The following SGPP2 variants were observed in gnomAD, a reference collection of about 807,000 sequenced individuals.
SGPP2 encodes the protein sphingosine-1-phosphate phosphatase 2, also known as sphingosine 1-phosphate phosphohydrolase 2.
SGPP2 carries 30 observed loss-of-function variants against 33.9 expected under a neutral mutation model. That is an observed-to-expected ratio of 0.89 (90% CI 0.66 to 1.20). The LOEUF (loss-of-function observed/expected upper bound fraction) is 1.20. Among genes scored for constraint, SGPP2 ranks in the 50% most tolerant of loss-of-function variants. The probability of loss-of-function intolerance (pLI) is 0.00; values close to 1 mark genes in which losing one functional copy is unlikely to be tolerated. For synonymous variants in SGPP2, 233 were observed against 225.0 expected, an observed-to-expected ratio of 1.04 and a Z score of -0.32; for missense variants, 458 against 532.1, an observed-to-expected ratio of 0.86 and a Z score of 1.37.
intron 1 of SGPP2, among the ~76,000 whole-genome samples, chr2:222,448,579 A>G (rs1267180736): frequency 2.0e-5 from 3 of 152,238 alleles, no homozygotes; most frequent in African/African-American, 7.2e-5. Context: ...AGCACAGGAA[A>G]TGCTTAATAA....
chr2:222,509,716 C>A (rs1018477631), intron 2 of SGPP2, among the ~76,000 whole-genome samples: 2 of 152,176 alleles, frequency 1.3e-5, no homozygotes, highest in Non-Finnish European at 2.9e-5. Context: ...AAAGGTACAC[C>A]AGGACTTATC....
chr2:222,561,607 C>T lies in SGPP2; in HGVS notation c.*2709C>T, dbSNP rs927988336. Reference sequence around the variant, plus strand: ...TTTTAAGTCCCAACAATAGGAAGGCCGATCAGCTATATTGATATATTTAAG... The same window carrying T: ...TTTTAAGTCCCAACAATAGGAAGGCTGATCAGCTATATTGATATATTTAAG... On this transcript the variant is annotated 3_prime_UTR_variant, in exon 5 of 5. Transcript: ENST00000321276. 4.6e-5 allele frequency among the ~76,000 whole-genome samples: 7 copies of T among 151,012 alleles called. No individual in the cohort carries two copies. The highest frequency in any genetic ancestry group is 8.8e-5 in the Non-Finnish European group (6 of 67,824).
intron 2 of SGPP2, among the ~76,000 whole-genome samples, chr2:222,492,927 A>G (rs2106111797): frequency 6.6e-6 from 1 of 152,308 alleles, no homozygotes; most frequent in South Asian, 2.1e-4. Context: ...CCTCATCTCC[A>G]TAAGAACCAC....
chr2:222,449,060 G>C (rs1427668757), intron 1 of SGPP2, among the ~76,000 whole-genome samples: 2 of 152,232 alleles, frequency 1.3e-5, no homozygotes, highest in African/African-American at 2.4e-5. Flanking sequence ...TACAGAGAGA[G>C]GGTGTAGAAT....
At chr2:222,543,872 G>A (rs1382189047) in intron 4 of SGPP2, among the ~76,000 whole-genome samples, 2 of 152,234 alleles carry the variant, frequency 1.3e-5, no homozygotes, top group East Asian at 3.9e-4. Flanking sequence ...TTTCTCCAAT[G>A]CTGGACTTTT....
intron 1 of SGPP2, chr2:222,452,485 T>C: frequency 1.2e-6 from 1 of 856,304 alleles, no homozygotes; most frequent in Non-Finnish European, 2.0e-6. Context: ...AGTTGTCTGC[T>C]TTATTACGTT....
At chr2:222,456,378 A>T (rs568261801) in intron 1 of SGPP2, among the ~76,000 whole-genome samples, 2 of 152,256 alleles carry the variant, frequency 1.3e-5, no homozygotes, top group South Asian at 2.1e-4. Flanking sequence ...GTGGCTGTTG[A>T]GCACTTGAAA....
chr2:222,493,735 GC>G (rs1171074217), intron 2 of SGPP2, among the ~76,000 whole-genome samples: 7 of 152,204 alleles, frequency 4.6e-5, no homozygotes, highest in African/African-American at 1.4e-4. Context: ...TAACATCAGA[GC>G]TCATTCTCAA....
intron 2 of SGPP2, among the ~76,000 whole-genome samples, chr2:222,499,741 T>G (rs1698338553): frequency 6.6e-6 from 1 of 152,090 alleles, no homozygotes; most frequent in Non-Finnish European, 1.5e-5. Flanking sequence ...GCTTTTCCAA[T>G]TCAGTGTCAT....
rs1482697283 is a variant in SGPP2, at chr2:222,562,592, AT to A, written c.*3698del. Among the ~76,000 whole-genome samples the A allele has an allele frequency of 1.3e-5, 2 of 152,154 alleles. No homozygotes were observed. Among genetic ancestry groups the A allele is most frequent in the African/African-American group, 4.8e-5 (2 of 41,422 alleles). On this transcript the variant is annotated 3_prime_UTR_variant, in exon 5 of 5. Transcript: ENST00000321276. ...TCTTTTTAAAAATCACTTTTATTTG[AT>A]TTTGACTTATTAAATGCTTTAAAAG...
intron 2 of SGPP2, among the ~76,000 whole-genome samples, chr2:222,487,518 A>G (rs76133056): frequency 0.018 from 2,808 of 152,148 alleles, 59 homozygotes; most frequent in African/African-American, 0.057. Flanking sequence ...ATCTTATAGG[A>G]TATTTAGTGT....
intron 1 of SGPP2, among the ~76,000 whole-genome samples, chr2:222,448,972 T>A (rs906460093): frequency 6.6e-6 from 1 of 152,174 alleles, no homozygotes; most frequent in Admixed American, 6.5e-5. Context: ...AGGAAATGGG[T>A]TTAAGCTGCA....
At chr2:222,433,704 C>A (rs769321285) in intron 1 of SGPP2, among the ~76,000 whole-genome samples, 52 of 152,268 alleles carry the variant, frequency 3.4e-4, no homozygotes, top group Non-Finnish European at 5.9e-4. Flanking sequence ...TTTTTCCCCC[C>A]ATGTTGGCTC....
At chr2:222,529,033 C>T (rs1468713919) in intron 4 of SGPP2, among the ~76,000 whole-genome samples, 1 of 152,202 alleles carries the variant, frequency 6.6e-6, no homozygotes, top group Admixed American at 6.5e-5. Context: ...TTTACATATG[C>T]CAAATCATGT....
chr2:222,445,142 C>A (rs1559145482), intron 1 of SGPP2, among the ~76,000 whole-genome samples: 1 of 152,156 alleles, frequency 6.6e-6, no homozygotes, highest in Non-Finnish European at 1.5e-5. Context: ...AAGATAGTAA[C>A]TAATTGCTGC....
chr2:222,544,377 A>C (rs1689141110), intron 4 of SGPP2, among the ~76,000 whole-genome samples: 1 of 152,224 alleles, frequency 6.6e-6, no homozygotes, highest in South Asian at 2.1e-4. Flanking sequence ...AAAGTCATAG[A>C]GTGGAATATT....
chr2:222,539,877 G>A (rs1333570835), intron 4 of SGPP2, among the ~76,000 whole-genome samples: 1 of 152,010 alleles, frequency 6.6e-6, no homozygotes, highest in African/African-American at 2.4e-5. Context: ...CCCTTTTTCC[G>A]GTGTCATCTA....
rs1277145053 is a variant in SGPP2, at chr2:222,521,846, A to G, written c.458A>G (p.Glu153Gly). The change falls in exon 3 of 5, where the codon GAA becomes GGA. Residue 153 changes from glutamate to glycine, a missense_variant. Coordinates refer to ENST00000321276, the MANE Select transcript of SGPP2 (RefSeq NM_152386.4). ...TCCTCCCCTCCAGTTGTAAAACTGG[A>G]AAAGAGACTGATCGCTGAATATGGA... ...RPSSPPVVKL[E>G]KRLIAEYGMP... 6.2e-7 allele frequency: 1 copy of G among 1,611,170 alleles called. No homozygotes were observed. Among genetic ancestry groups the G allele is most frequent in the East Asian group, 2.2e-5 (1 of 44,712 alleles).
chr2:222,476,426 C>T lies in SGPP2; in HGVS notation c.378+1700C>T, dbSNP rs974337972. 1.3e-5 allele frequency among the ~76,000 whole-genome samples: 2 copies of T among 152,172 alleles called. No homozygotes were observed. The highest frequency in any genetic ancestry group is 2.4e-5 in the African/African-American group (1 of 41,438). ...TTCAAATCCCTGTCTCCCAATAGCC[C>T]TCTTTTGAAATCTAGCTTCTGTCTA... On this transcript the variant is annotated intron_variant, in intron 2 of 4. Coordinates refer to ENST00000321276, the MANE Select transcript of SGPP2 (RefSeq NM_152386.4). This position sits in a 1 kb window ranked among gnomAD's most constrained non-coding sequence, Gnocchi z 4.3.
Sources: gnomAD v4.1 joint callset for allele counts (sites outside exome capture counted in the v4.1 genomes callset) on GRCh38, gnomAD v4.1.1 for gene constraint, Gnocchi (gnomAD v3.1) non-coding constraint, MANE v1.5 for transcripts, NCBI Gene and HGNC (gene_info 2026-07-23, HGNC 2026-07-21) for gene names.